SCPEP1: variants seen among roughly 807,000 people sequenced by gnomAD.
SCPEP1 encodes the protein retinoid-inducible serine carboxypeptidase.
Under a neutral mutation model 63.8 loss-of-function variants are expected in SCPEP1, and 51 were observed. The observed-to-expected ratio is 0.80, with a 90% CI of 0.64 to 1.01. SCPEP1 has a LOEUF of 1.01. Among genes scored for constraint, SCPEP1 ranks in the 50% least tolerant of loss-of-function variants. The probability of loss-of-function intolerance (pLI) is 0.00; values close to 1 mark genes in which losing one functional copy is unlikely to be tolerated. For missense variants in SCPEP1, 499 were observed against 554.9 expected (o/e 0.90, Z 1.01); for synonymous variants, 204 against 207.8 (o/e 0.98, Z 0.16).
chr17:56,991,250 A>G, intron 6 of SCPEP1, 79 bp downstream of exon 6: 1 of 1,054,968 alleles, frequency 9.5e-7, no homozygotes, highest in Non-Finnish European at 1.5e-6. Context: ...TGTTGTCCAG[A>G]TCAAAGAGCT....
chr17:56,981,406 TAA>T (rs1911064770), intron 2 of SCPEP1, among the ~76,000 whole-genome samples, 176 bp downstream of exon 2: 1 of 152,312 alleles, frequency 6.6e-6, no homozygotes, highest in East Asian at 1.9e-4. Context: ...CCAAGGAGGC[TAA>T]ATCAGAGGGC....
At chr17:56,988,873 G>C (rs1267851799) in intron 5 of SCPEP1, among the ~76,000 whole-genome samples, 2 of 152,056 alleles carry the variant, frequency 1.3e-5, no homozygotes, top group East Asian at 3.8e-4. Flanking sequence ...ATTCTGGATG[G>C]ATTAAAATCT....
At chr17:57,001,479 A>G (rs1264422194) in intron 11 of SCPEP1, among the ~76,000 whole-genome samples, 1 of 152,206 alleles carries the variant, frequency 6.6e-6, no homozygotes, top group African/African-American at 2.4e-5. Context: ...TCCAAATTAA[A>G]TAGGGCCTGG....
Position 56,998,388 on chromosome 17 carries a change from G to T in SCPEP1, c.884G>T (p.Cys295Phe), listed in dbSNP as rs142794209. 6.2e-7 allele frequency: 1 copy of T among 1,606,302 alleles called. No homozygotes were observed. The highest frequency in any genetic ancestry group is 2.2e-5 in the East Asian group (1 of 44,474). Residue 295 changes from cysteine to phenylalanine, a missense_variant, in exon 10 of 13, where the codon TGT becomes TTT. Transcript: ENST00000262288. ...CTATCTACCAGTTTGGTTTTAGTTT[G>T]TCTTTGTCAGCGCCACGTGAGACAC... ...SLEFTQSHLV[C>F]LCQRHVRHLQ...
Position 57,002,010 on chromosome 17 carries a change from C to G in SCPEP1, c.1133-8C>G. 6.2e-7 allele frequency: 1 copy of G among 1,609,456 alleles called. No homozygotes were observed. Among genetic ancestry groups the G allele is most frequent in the Non-Finnish European group, 8.5e-7 (1 of 1,178,682 alleles). On this transcript the variant is annotated splice_region_variant and splice_polypyrimidine_tract_variant and intron_variant, in intron 11 of 12. Coordinates refer to ENST00000262288, the MANE Select transcript of SCPEP1 (RefSeq NM_021626.3). ...ATGCCAGGCCTTTCTCTTTGTCCTTCTCACCAGGTCAGGAGGCCTGGGTGC... is the reference window on the plus strand; with the variant it reads ...ATGCCAGGCCTTTCTCTTTGTCCTTGTCACCAGGTCAGGAGGCCTGGGTGC...
In SCPEP1 at chr17:56,991,216, A is replaced by G. The variant is rs758443978; in HGVS notation, c.619+45A>G. 5 of 1,426,360 alleles carry G rather than the reference A, an allele frequency of 3.5e-6. No homozygotes were observed. In the African/African-American group the frequency reaches 7.0e-5, roughly 20 times the overall value. The allele number at this position is 1,426,360 out of a possible 1,614,324, so 88.4% of individuals were successfully genotyped here. ...GCATTTTTTCACTCCCCTTTTGCCC[A>G]TCCTTTCCTGGGACTTTGGGCTGTG... On this transcript the variant is annotated intron_variant, in intron 6 of 12. Coordinates refer to ENST00000262288, the MANE Select transcript of SCPEP1 (RefSeq NM_021626.3).
rs745770393 is a variant in SCPEP1, at chr17:57,002,034, G to A, written c.1149G>A (p.Val383=). ...IVDTMGQEAW[V]RKLKWPELPK... ...TCTCACCAGGTCAGGAGGCCTGGGT[G>A]CGGAAACTGAAGTGGCCAGAACTGC... Residue 383 remains valine, a synonymous_variant, in exon 12 of 13, where the codon GTG becomes GTA. Coordinates refer to ENST00000262288, the MANE Select transcript of SCPEP1 (RefSeq NM_021626.3). 1.9e-6 allele frequency: 3 copies of A among 1,614,112 alleles called. No individual in the cohort carries two copies. The East Asian group carries it at 6.7e-5, about 36-fold the overall frequency.
At chr17:56,998,026 C>CCT in intron 9 of SCPEP1, 1 of 210,574 alleles carries the variant, frequency 4.7e-6, no homozygotes, top group South Asian at 8.0e-5. Flanking sequence ...GTAAAGATGT[C>CCT]CTCATGGCCA....
intron 9 of SCPEP1, 82 bp from the exon 10 acceptor site, chr17:56,998,303 C>G (rs1911632067): frequency 1.1e-6 from 1 of 901,836 alleles, no homozygotes; most frequent in African/African-American, 1.7e-5. Context: ...GAGAGAGATT[C>G]TGTCTCAAAA....
chr17:56,981,045 C>T (rs1911052966), intron 1 of SCPEP1, 37 bp from the exon 2 acceptor site: 2 of 1,611,612 alleles, frequency 1.2e-6, no homozygotes, highest in Non-Finnish European at 1.7e-6. Flanking sequence ...GTACATTAGG[C>T]ACTCTTCTGG....
At chr17:56,984,515 CCAACACCGAGCTGTGGT>C (rs1911159316) in intron 2 of SCPEP1, 1 of 152,492 alleles carries the variant, frequency 6.6e-6, no homozygotes, top group Non-Finnish European at 1.5e-5. Context: ...AGAACTGCCC[CCAACACCGAGCTGTGGT>C]TCAGAATCCT....
At position 57,003,212 on chromosome 17, in the gene SCPEP1, C is replaced by G. The variant is rs1460574613; in HGVS notation, c.1296+1031C>G. Among the ~76,000 whole-genome samples the G allele has an allele frequency of 2.0e-5, 3 of 152,110 alleles. No homozygotes were observed. The East Asian group carries it at 5.8e-4, about 29-fold the overall frequency. ...CCACAGGAGCCTCAGACAGCGAGGA[C>G]TTGGAATGGACACTGGAGGGAGGTG... On this transcript the variant is annotated intron_variant, in intron 12 of 12. Coordinates refer to ENST00000262288, the MANE Select transcript of SCPEP1 (RefSeq NM_021626.3).
At chr17:56,998,538 T>C (rs1290192884) in intron 10 of SCPEP1, 40 bp downstream of exon 10, 9 of 1,487,486 alleles carry the variant, frequency 6.1e-6, no homozygotes, top group Admixed American at 5.0e-5. Flanking sequence ...TGTACAGTTA[T>C]GGGGAGAAAA....
chr17:56,985,523 G>T, intron 3 of SCPEP1, 56 bp downstream of exon 3: 1 of 1,333,894 alleles, frequency 7.5e-7, no homozygotes, highest in Non-Finnish European at 1.1e-6. Flanking sequence ...CAGAGGCCCT[G>T]CCCAACTCTG....
At chr17:56,988,570 C>T (rs1229946032) in intron 5 of SCPEP1, among the ~76,000 whole-genome samples, 3 of 151,968 alleles carry the variant, frequency 2.0e-5, no homozygotes, top group African/African-American at 4.8e-5. Context: ...TCCAGAAACA[C>T]ACACACATAT....
chr17:56,994,389 A>G (rs1458602850), intron 6 of SCPEP1, among the ~76,000 whole-genome samples: 1 of 152,206 alleles, frequency 6.6e-6, no homozygotes, highest in Non-Finnish European at 1.5e-5. Flanking sequence ...CTCTTTGAGG[A>G]CAGGCATTAT....
intron 3 of SCPEP1, chr17:56,987,468 T>C (rs375152570): frequency 3.6e-3 from 18 of 5,050 alleles, no homozygotes; most frequent in Middle Eastern, 0.1. Flanking sequence ...TGCCTCTCCC[T>C]TTTTTTTTTT....
In SCPEP1 at chr17:56,998,420, C is replaced by T. The variant is rs752794622; in HGVS notation, c.916C>T (p.Arg306Ter). The change falls in exon 10 of 13, where the codon CGA becomes TGA. Residue 306 changes from arginine to a stop codon, truncating the protein, a stop_gained. Transcript: ENST00000262288. LOFTEE classifies it high-confidence loss of function. ...LCQRHVRHLQ[R>*]DALSQLMNGP... is the part of the protein sequence containing the mutation. Reference sequence around the variant, plus strand: ...TCAGCGCCACGTGAGACACCTACAACGAGATGCCTTAAGCCAGCTCATGAA... The same window carrying T: ...TCAGCGCCACGTGAGACACCTACAATGAGATGCCTTAAGCCAGCTCATGAA... 170 of 1,613,636 alleles carry T rather than the reference C, an allele frequency of 1.1e-4. No homozygotes were observed. The highest frequency in any genetic ancestry group is 1.6e-4 in the Middle Eastern group (1 of 6,080).
chr17:56,987,669 A>G (rs1242774663), intron 3 of SCPEP1, 26 bp from the exon 4 acceptor site: 1 of 1,605,444 alleles, frequency 6.2e-7, no homozygotes. Context: ...TGATTGCAAC[A>G]TTTCGTTTTC....
Sources: allele counts gnomAD v4.1 joint callset (sites outside exome capture counted in the v4.1 genomes callset), GRCh38; gene constraint gnomAD v4.1.1; transcripts MANE v1.5; gene names NCBI Gene and HGNC (gene_info 2026-07-23, HGNC 2026-07-21).